CLCA2: variants seen among roughly 807,000 people sequenced by gnomAD.
The protein encoded by CLCA2 is calcium-activated chloride channel regulator 2.
In CLCA2, 85 loss-of-function variants were observed where a neutral mutation model predicts 82.9. The ratio of observed to expected loss-of-function variants is 1.03; its 90% CI spans 0.86 to 1.23. The LOEUF (loss-of-function observed/expected upper bound fraction) is 1.23, where lower values mean the gene tolerates loss of function less well. CLCA2 is among the 50% of genes most tolerant of loss of function. The pLI, the probability that CLCA2 is intolerant of heterozygous loss-of-function variation, is 0.00. For missense variants in CLCA2, 1,089 were observed against 1,124.8 expected, an observed-to-expected ratio of 0.97 and a Z score of 0.45; for synonymous variants, 421 against 391.7, an observed-to-expected ratio of 1.07 and a Z score of -0.88.
chr1:86,456,531 A>G lies in CLCA2; in HGVS notation c.*1004A>G, dbSNP rs1663080357. The G allele has an allele frequency of 6.6e-6, 1 of 152,246 alleles. No homozygotes were observed. Among genetic ancestry groups the G allele is most frequent in the Non-Finnish European group, 1.5e-5 (1 of 68,050 alleles). The allele number at this position is 152,246 out of a possible 1,614,324, so 9.4% of individuals were successfully genotyped here. ...TTATTTTTTTAAAAGATTATCGAAC[A>G]ATAAAATCATTTGCCTTTTTAATTA... On this transcript the variant is annotated 3_prime_UTR_variant, in exon 14 of 14. Transcript: ENST00000370565.
At chr1:86,427,574 A>ACG (rs3835425) in intron 2 of CLCA2, among the ~76,000 whole-genome samples, 1 of 151,014 alleles carries the variant, frequency 6.6e-6, no homozygotes, top group Non-Finnish European at 1.5e-5. Flanking sequence ...ACACACACAC[A>ACG]AAACACATAT....
chr1:86,433,664 G>A (rs999604095), intron 5 of CLCA2, among the ~76,000 whole-genome samples: 10 of 152,090 alleles, frequency 6.6e-5, no homozygotes, highest in African/African-American at 2.2e-4. Context: ...GTTAAACAAC[G>A]CAAAGCAAAA....
intron 5 of CLCA2, among the ~76,000 whole-genome samples, chr1:86,433,153 C>G (rs1225384081): frequency 2.0e-5 from 3 of 152,180 alleles, no homozygotes; most frequent in Admixed American, 6.5e-5. Context: ...GATGAAGCAG[C>G]CTGGAACAGC....
Position 86,455,707 on chromosome 1 carries a change from AC to A in CLCA2, c.*183del. On this transcript the variant is annotated 3_prime_UTR_variant, in exon 14 of 14. Transcript: ENST00000370565. ...ATTCTTTTTGGGGGTAGATTAGAAA[AC>A]CCTTACACTTTGGCTATGAACAAAT... 1 of 381,084 alleles carries A rather than the reference AC, an allele frequency of 2.6e-6. No homozygotes were observed. Among genetic ancestry groups the A allele is most frequent in the Non-Finnish European group, 4.6e-6 (1 of 218,428 alleles). The allele number at this position is 381,084 out of a possible 1,614,324, so 23.6% of individuals were successfully genotyped here.
chr1:86,434,182 C>T (rs747973104), intron 5 of CLCA2, among the ~76,000 whole-genome samples: 1 of 152,010 alleles, frequency 6.6e-6, no homozygotes, highest in Non-Finnish European at 1.5e-5. Flanking sequence ...TTTCCTAATA[C>T]AATATTGTGC....
rs928359145 is a variant in CLCA2, at chr1:86,450,558, T to C, written c.1985-5T>C. On this transcript the variant is annotated splice_polypyrimidine_tract_variant and splice_region_variant and intron_variant, in intron 11 of 13. Coordinates refer to ENST00000370565, the MANE Select transcript of CLCA2 (RefSeq NM_006536.7). Reference sequence around the variant, plus strand: ...GTGTTGACACTGTGTTTTTTATATATACAGGTGCTGATGTTATAAAAAATG... The same window carrying C: ...GTGTTGACACTGTGTTTTTTATATACACAGGTGCTGATGTTATAAAAAATG... 9 of 1,608,082 alleles carry C rather than the reference T, an allele frequency of 5.6e-6. No homozygotes were observed. The highest frequency in any genetic ancestry group is 3.3e-4 in the Middle Eastern group (2 of 6,040).
intron 6 of CLCA2, 49 bp downstream of exon 6, chr1:86,434,794 C>A: frequency 1.4e-6 from 2 of 1,426,626 alleles, no homozygotes; most frequent in Non-Finnish European, 9.9e-7. Flanking sequence ...TTTTTTCTAT[C>A]AGTTCTTTAT....
In CLCA2 at chr1:86,450,786, C is replaced by G. The variant is rs1558119426; in HGVS notation, c.2155+53C>G. 4 of 1,462,360 alleles carry G rather than the reference C, an allele frequency of 2.7e-6. No individual in the cohort carries two copies. In the East Asian group the frequency reaches 9.5e-5, roughly 35 times the overall value. 90.6% of individuals were successfully genotyped at this position (1,462,360 alleles called of 1,614,324 possible). A position where few individuals can be genotyped will look rare whatever the true frequency, so the allele number is the denominator to read the frequency against. The stretch of plus-strand genomic sequence containing the variant: ...GTAACATCATTTCATGTACATATCT[C>G]TGATGGGTATGTGTGTACTGGGGTG... On this transcript the variant is annotated intron_variant, in intron 12 of 13. Coordinates refer to ENST00000370565, the MANE Select transcript of CLCA2 (RefSeq NM_006536.7).
chr1:86,444,078 A>G, intron 10 of CLCA2, 67 bp downstream of exon 10: 1 of 994,842 alleles, frequency 1.0e-6, no homozygotes, highest in Non-Finnish European at 1.6e-6. Context: ...GCTGAATCAC[A>G]TGATTAAATG....
chr1:86,445,060 C>A (rs768774059), intron 10 of CLCA2, among the ~76,000 whole-genome samples: 1 of 152,080 alleles, frequency 6.6e-6, no homozygotes, highest in South Asian at 2.1e-4. Flanking sequence ...CCATGCCTGG[C>A]TAATTTTTGT....
In CLCA2 at chr1:86,425,038, C is replaced by T. The variant is rs992245383; in HGVS notation, c.187-301C>T. 3.9e-5 allele frequency among the ~76,000 whole-genome samples: 6 copies of T among 152,026 alleles called. No individual in the cohort carries two copies. The South Asian group carries it at 8.3e-4, about 21-fold the overall frequency. Reference sequence around the variant, plus strand: ...ATCATAAGGTGTGGTCTTGAATGTGCCCACAGGTGTGACATGAAAAGGATT... The same window carrying T: ...ATCATAAGGTGTGGTCTTGAATGTGTCCACAGGTGTGACATGAAAAGGATT... On this transcript the variant is annotated intron_variant, in intron 1 of 13. Coordinates refer to ENST00000370565, the MANE Select transcript of CLCA2 (RefSeq NM_006536.7).
chr1:86,434,466 G>T (rs1662559496), intron 5 of CLCA2, 52 bp from the exon 6 acceptor site: 1 of 1,463,664 alleles, frequency 6.8e-7, no homozygotes, highest in South Asian at 1.2e-5. Flanking sequence ...TGAGAACTAT[G>T]TTTGCTTTGG....
intron 9 of CLCA2, among the ~76,000 whole-genome samples, chr1:86,442,427 T>C (rs1246166692): frequency 6.6e-6 from 1 of 152,294 alleles, no homozygotes; most frequent in Non-Finnish European, 1.5e-5. Context: ...AAAATATTAC[T>C]CATATGGGAT....
At chr1:86,433,314 C>T (rs1662536781) in intron 5 of CLCA2, among the ~76,000 whole-genome samples, 1 of 152,198 alleles carries the variant, frequency 6.6e-6, no homozygotes. Flanking sequence ...CATCTCTTCA[C>T]AGATCTGGGG....
rs1186213665 is a variant in CLCA2 at position 86,443,767 on chromosome 1, A to G, written c.1489-20A>G. 6.3e-7 allele frequency: 1 copy of G among 1,582,584 alleles called. No homozygotes were observed. ...TTATGCATACACCAGAAACTCTCAT[A>G]TATATCTTCTCTTTAACAGCTTGAA... On this transcript the variant is annotated intron_variant, in intron 9 of 13. Transcript: ENST00000370565.
chr1:86,455,357 A>ATTC lies in CLCA2; in HGVS notation c.2663_2665dup (p.Ile888_Pro889insLeu). The ATTC allele has an allele frequency of 6.2e-7, 1 of 1,611,206 alleles. No individual in the cohort carries two copies. The highest frequency in any genetic ancestry group is 8.5e-7 in the Non-Finnish European group (1 of 1,179,150). Reference sequence around the variant, plus strand: ...TAACATTGCCCAGGCGCCTCTGTTTATTCCCCCCAATTCTGATCCTGTACC... The same window carrying ATTC: ...TAACATTGCCCAGGCGCCTCTGTTTATTCTTCCCCCCAATTCTGATCCTGTACC... On this transcript the variant is annotated inframe_insertion, in exon 14 of 14. Coordinates refer to ENST00000370565, the MANE Select transcript of CLCA2 (RefSeq NM_006536.7).
At chr1:86,430,389 T>C (rs148438709) in intron 3 of CLCA2, among the ~76,000 whole-genome samples, 9 of 152,282 alleles carry the variant, frequency 5.9e-5, no homozygotes, top group Admixed American at 1.3e-4. Context: ...GTTTCAACTA[T>C]TGCTCTAGAT....
In CLCA2 at chr1:86,434,637, CT is replaced by C; in HGVS notation, c.867del (p.Met291Ter). 1 of 1,614,114 alleles carries C rather than the reference CT, an allele frequency of 6.2e-7. No individual in the cohort carries two copies. The highest frequency in any genetic ancestry group is 8.5e-7 in the Non-Finnish European group (1 of 1,179,976). On this transcript the variant is annotated frameshift_variant, in exon 6 of 14. Coordinates refer to ENST00000370565, the MANE Select transcript of CLCA2 (RefSeq NM_006536.7). LOFTEE classifies it high-confidence loss of function. ...ITDSADFHHS[F>X]PMNGTELPPP... ...CAGACTCTGCTGACTTTCACCACAGCTTTCCCATGAATGGGACTGAGCTTCC... is the reference window on the plus strand; with the variant it reads ...CAGACTCTGCTGACTTTCACCACAGCTTCCCATGAATGGGACTGAGCTTCC...
intron 6 of CLCA2, 104 bp downstream of exon 6, chr1:86,434,849 C>G: frequency 1.1e-6 from 1 of 938,412 alleles, no homozygotes; most frequent in South Asian, 1.6e-5. Context: ...GCAGGACGTT[C>G]AAGTTTGTTA....
Sources: gnomAD v4.1 joint callset for allele counts (sites outside exome capture counted in the v4.1 genomes callset) on GRCh38, gnomAD v4.1.1 for gene constraint, MANE v1.5 for transcripts, NCBI Gene and HGNC (gene_info 2026-07-23, HGNC 2026-07-21) for gene names.